The following SYN3 variants were observed in gnomAD, a reference collection of about 807,000 sequenced individuals.
SYN3 encodes synapsin III.
SYN3 carries 35 observed loss-of-function variants against 65.8 expected under a neutral mutation model. The observed-to-expected ratio is 0.53, with a 90% CI of 0.41 to 0.70. The LOEUF (loss-of-function observed/expected upper bound fraction) is 0.70, where lower values mean the gene tolerates loss of function less well. SYN3 is among the 30% of genes least tolerant of loss of function. The pLI, the probability that SYN3 is intolerant of heterozygous loss-of-function variation, is 0.00. For missense variants in SYN3, 680 were observed against 749.0 expected (o/e 0.91, Z 1.08); for synonymous variants, 270 against 292.9 (o/e 0.92, Z 0.80).
intron 4 of SYN3, among the ~76,000 whole-genome samples, chr22:32,876,142 A>G (rs1161364364): frequency 6.6e-6 from 1 of 152,154 alleles, no homozygotes; most frequent in East Asian, 1.9e-4. Flanking sequence ...TCCAATATCG[A>G]GGCACCATCA....
At chr22:32,986,834 G>GAAGATTCTCTCT (rs1307072147) in intron 2 of SYN3, among the ~76,000 whole-genome samples, 3 of 152,194 alleles carry the variant, frequency 2.0e-5, no homozygotes, top group African/African-American at 4.8e-5. Context: ...TGGATTCCAC[G>GAAGATTCTCTCT]AAGATTCTCT....
At chr22:32,918,034 G>A (rs2050233667) in intron 4 of SYN3, among the ~76,000 whole-genome samples, 1 of 152,250 alleles carries the variant, frequency 6.6e-6, no homozygotes, top group African/African-American at 2.4e-5. Flanking sequence ...ATCCCCGCCT[G>A]GGGACACAAG....
At chr22:32,529,161 C>T (rs1569007395) in intron 10 of SYN3, 153 bp from the exon 11 acceptor site, 9 of 891,100 alleles carry the variant, frequency 1.0e-5, no homozygotes, top group South Asian at 3.2e-5. Flanking sequence ...TGGGACTGGC[C>T]GGCAGCGACA....
rs553349459 is a variant in SYN3 at position 32,510,031 on chromosome 22, C to A, written c.*3661G>T. On this transcript the variant is annotated 3_prime_UTR_variant, in exon 14 of 14. Coordinates refer to ENST00000358763, the MANE Select transcript of SYN3 (RefSeq NM_003490.4). The stretch of plus-strand genomic sequence containing the variant: ...AGATACTGGAGTATCTGGGAGATAT[C>A]CTTTGGATGCTGAGGTGTGTCTGAG... Among the ~76,000 whole-genome samples the A allele has an allele frequency of 2.1e-3, 317 of 152,178 alleles. 3 individuals carry two copies. Among genetic ancestry groups the A allele is most frequent in the Admixed American group, 3.8e-3 (58 of 15,294 alleles).
chr22:32,665,236 G>T (rs2147032339), intron 6 of SYN3, among the ~76,000 whole-genome samples: 1 of 152,014 alleles, frequency 6.6e-6, no homozygotes, highest in Non-Finnish European at 1.5e-5. Flanking sequence ...GGCCTCAGGT[G>T]ATCCACCCAC....
rs554586201 is a variant in SYN3, at chr22:32,801,177, G to C, written c.711+63738C>G. Among the ~76,000 whole-genome samples, 1 of 152,322 alleles carries C rather than the reference G, an allele frequency of 6.6e-6. No individual in the cohort carries two copies. Among genetic ancestry groups the C allele is most frequent in the Admixed American group, 6.5e-5 (1 of 15,304 alleles). On this transcript the variant is annotated intron_variant, in intron 6 of 13. Transcript: ENST00000358763. The surrounding 1 kb of genome is among the most constrained non-coding windows in gnomAD (Gnocchi z 4.7). Reference sequence around the variant, plus strand: ...TATCCCAGAGAGTAAGAACCAGAGAGAGAGAGAAAGAGAGAGAGTTTGGGT... The same window carrying C: ...TATCCCAGAGAGTAAGAACCAGAGACAGAGAGAAAGAGAGAGAGTTTGGGT...
intron 2 of SYN3, among the ~76,000 whole-genome samples, chr22:32,990,690 T>A (rs1050849808): frequency 1.3e-5 from 2 of 152,210 alleles, no homozygotes; most frequent in South Asian, 2.1e-4. Context: ...TATCAGAAGC[T>A]GCCAACTAGT....
intron 6 of SYN3, among the ~76,000 whole-genome samples, chr22:32,848,823 G>A (rs1454376918): frequency 5.9e-5 from 9 of 152,144 alleles, no homozygotes. Context: ...TGGCTCCTGA[G>A]CCCCGACTCC....
intron 6 of SYN3, among the ~76,000 whole-genome samples, chr22:32,686,519 T>C (rs1297690482): frequency 6.6e-6 from 1 of 151,280 alleles, no homozygotes; most frequent in African/African-American, 2.4e-5. Flanking sequence ...CCATTTGAAA[T>C]GCCTGCTCTA....
In SYN3 at chr22:32,837,710, C is replaced by G. The variant is rs2047775614; in HGVS notation, c.711+27205G>C. Among the ~76,000 whole-genome samples the G allele has an allele frequency of 6.6e-6, 1 of 152,088 alleles. No homozygotes were observed. The highest frequency in any genetic ancestry group is 6.5e-5 in the Admixed American group (1 of 15,274). ...GACACCCATTTGGATACATGCAATC[C>G]TAAAGTCTATGGGCAGTGACAGAGT... On this transcript the variant is annotated intron_variant, in intron 6 of 13. Transcript: ENST00000358763. This position sits in a 1 kb window ranked among gnomAD's most constrained non-coding sequence, Gnocchi z 4.1.
chr22:32,521,360 T>C (rs768924369), intron 12 of SYN3, among the ~76,000 whole-genome samples: 4 of 151,638 alleles, frequency 2.6e-5, no homozygotes, highest in South Asian at 4.2e-4. Flanking sequence ...AGTTGCTGTA[T>C]AGAAACACAG....
chr22:32,621,171 C>T (rs1305349244), intron 6 of SYN3, among the ~76,000 whole-genome samples: 1 of 152,196 alleles, frequency 6.6e-6, no homozygotes, highest in Non-Finnish European at 1.5e-5. Flanking sequence ...AGGAGAGCAG[C>T]TCCAGTCAGG....
At chr22:32,765,498 A>G (rs2045598696) in intron 6 of SYN3, among the ~76,000 whole-genome samples, 1 of 152,204 alleles carries the variant, frequency 6.6e-6, no homozygotes. Context: ...GTTTAATTGA[A>G]AAACAGGAAA....
chr22:32,867,439 A>G (rs2048715234), intron 5 of SYN3, among the ~76,000 whole-genome samples: 2 of 152,250 alleles, frequency 1.3e-5, no homozygotes, highest in African/African-American at 4.8e-5. Flanking sequence ...CCCAAGAAGT[A>G]TTTGCTACAT....
chr22:32,708,382 G>C (rs1220675201), intron 6 of SYN3, among the ~76,000 whole-genome samples: 1 of 152,162 alleles, frequency 6.6e-6, no homozygotes, highest in Non-Finnish European at 1.5e-5. Context: ...TTCCCACCAC[G>C]ATGTAGTAGG....
intron 6 of SYN3, among the ~76,000 whole-genome samples, chr22:32,822,082 G>C (rs909734235): frequency 2.0e-5 from 3 of 150,516 alleles, no homozygotes; most frequent in African/African-American, 7.3e-5. Flanking sequence ...TTGAACCTGG[G>C]AGGCAGAGGT....
At chr22:32,748,317 C>G (rs900448050) in intron 6 of SYN3, among the ~76,000 whole-genome samples, 1 of 152,162 alleles carries the variant, frequency 6.6e-6, no homozygotes, top group South Asian at 2.1e-4. Flanking sequence ...TCAGACAGAT[C>G]TGGTTTCAAA....
chr22:32,794,787 C>T (rs1031578125), intron 6 of SYN3, among the ~76,000 whole-genome samples: 10 of 151,864 alleles, frequency 6.6e-5, no homozygotes, highest in East Asian at 1.9e-4. Context: ...GAGAGAGGAC[C>T]GGAAAATATT....
At chr22:33,044,844 CT>C (rs1302960357) in intron 1 of SYN3, among the ~76,000 whole-genome samples, 333 of 134,804 alleles carry the variant, frequency 2.5e-3, no homozygotes, top group Admixed American at 2.2e-3. Flanking sequence ...GATGATTCTT[CT>C]TTTTTTTTTT....
Sources: gnomAD v4.1 joint callset for allele counts (sites outside exome capture counted in the v4.1 genomes callset) on GRCh38, gnomAD v4.1.1 for gene constraint, Gnocchi (gnomAD v3.1) non-coding constraint, MANE v1.5 for transcripts, NCBI Gene and HGNC (gene_info 2026-07-23, HGNC 2026-07-21) for gene names.